JAK1: variants seen among roughly 807,000 people sequenced by gnomAD.
JAK1 encodes the protein tyrosine-protein kinase JAK1.
JAK1 carries 16 observed loss-of-function variants against 136.6 expected under a neutral mutation model. The ratio of observed to expected loss-of-function variants is 0.12; its 90% confidence interval spans 0.08 to 0.18. The LOEUF is 0.18. JAK1 is among the 10% of genes least tolerant of loss of function. JAK1 has a pLI of 1.00. For synonymous variants in JAK1, 492 were observed against 519.5 expected (o/e 0.95, Z 0.72); for missense variants, 859 against 1,450.1 (o/e 0.59, Z 6.62).
chr1:64,886,150 A>G, intron 2 of JAK1, 109 bp downstream of exon 2: 1 of 679,626 alleles, frequency 1.5e-6, no homozygotes, highest in Middle Eastern at 2.8e-4. Context: ...TCAATTTCAA[A>G]AAATTAAAGG....
intron 4 of JAK1, among the ~76,000 whole-genome samples, chr1:64,874,348 C>T (rs1374919412): frequency 2.0e-5 from 3 of 151,578 alleles, no homozygotes; most frequent in Non-Finnish European, 4.4e-5. Context: ...AAAAAACTGA[C>T]GAACTGTGTA....
At chr1:64,847,388 AT>A (rs1655305081) in intron 13 of JAK1, 143 bp downstream of exon 13, 2 of 892,550 alleles carry the variant, frequency 2.2e-6, no homozygotes, top group African/African-American at 3.3e-5. Flanking sequence ...CTAAGATCAT[AT>A]GTGGAGAAAA....
intron 1 of JAK1, among the ~76,000 whole-genome samples, chr1:64,929,824 C>G (rs977315565): frequency 6.6e-6 from 1 of 152,076 alleles, no homozygotes; most frequent in Non-Finnish European, 1.5e-5. Flanking sequence ...GTACTATTAC[C>G]AAAACAGACA....
intron 1 of JAK1, among the ~76,000 whole-genome samples, chr1:65,055,314 T>A (rs1353206963): frequency 6.6e-6 from 1 of 152,234 alleles, no homozygotes; most frequent in Admixed American, 6.5e-5. Context: ...TTCATCCATG[T>A]TGTAGCATAT....
intron 1 of JAK1, among the ~76,000 whole-genome samples, chr1:65,063,125 G>A (rs908623176): frequency 3.9e-5 from 6 of 152,180 alleles, no homozygotes; most frequent in East Asian, 1.9e-4. Flanking sequence ...CAAATGCCAC[G>A]AGTGGAGCCG....
chr1:64,963,397 C>A (rs575568034), intron 1 of JAK1, among the ~76,000 whole-genome samples: 136 of 152,156 alleles, frequency 8.9e-4, no homozygotes, highest in African/African-American at 3.1e-3. Flanking sequence ...GGAAAAATAA[C>A]CTTTGCTTAA....
intron 8 of JAK1, among the ~76,000 whole-genome samples, chr1:64,863,769 G>T (rs1364723112): frequency 6.6e-6 from 1 of 151,962 alleles, no homozygotes; most frequent in Non-Finnish European, 1.5e-5. Flanking sequence ...CTAATATTCT[G>T]CTTCTCAGGC....
intron 2 of JAK1, among the ~76,000 whole-genome samples, chr1:64,988,998 GTGTGTATATATA>G (rs1237755830): frequency 1.0e-5 from 1 of 95,592 alleles, no homozygotes; most frequent in African/African-American, 4.0e-5. Context: ...GTGTGTGTGT[GTGTGTATATATA>G]TATATATATA....
At chr1:64,918,462 T>G (rs913189896) in intron 1 of JAK1, 13 of 152,904 alleles carry the variant, frequency 8.5e-5, no homozygotes, top group African/African-American at 3.1e-4. Context: ...AGGTCCTTGG[T>G]CAGGCCAAGG....
intron 2 of JAK1, among the ~76,000 whole-genome samples, chr1:65,017,594 A>G (rs905889393): frequency 1.3e-5 from 2 of 152,230 alleles, no homozygotes; most frequent in African/African-American, 2.4e-5. Flanking sequence ...TCCACACAGA[A>G]TATTTCAAAA....
intron 11 of JAK1, among the ~76,000 whole-genome samples, chr1:64,854,253 G>GT (rs1655782584): frequency 6.6e-6 from 1 of 152,148 alleles, no homozygotes; most frequent in Non-Finnish European, 1.5e-5. Flanking sequence ...TGGTGTGAGG[G>GT]TTTATGGACA....
At chr1:64,996,054 CT>C (rs922425371) in intron 2 of JAK1, among the ~76,000 whole-genome samples, 11 of 151,484 alleles carry the variant, frequency 7.3e-5, no homozygotes, top group Admixed American at 1.3e-4. Flanking sequence ...ACATTGGGCT[CT>C]TTTTTTTTCT....
At chr1:64,947,942 A>G (rs913456877) in intron 1 of JAK1, among the ~76,000 whole-genome samples, 3 of 152,310 alleles carry the variant, frequency 2.0e-5, no homozygotes, top group African/African-American at 7.2e-5. Context: ...TTATACAGAA[A>G]TAGATTTAGA....
rs566990293 is a variant in JAK1 at position 64,999,816 on chromosome 1, T to G, written c.-78+44664A>C. Among the ~76,000 whole-genome samples the G allele has an allele frequency of 2.0e-5, 3 of 151,998 alleles. No individual in the cohort carries two copies. The East Asian group carries it at 5.8e-4, about 29-fold the overall frequency. On this transcript the variant is annotated intron_variant, in intron 2 of 25. Transcript: ENST00000671954. The stretch of plus-strand genomic sequence containing the variant: ...GGGCACCTGGCTGCCCAAAGCTTTC[T>G]CTAACAGTATCTACGGCACCTTGAA...
chr1:64,965,670 C>T (rs1646360256), intron 1 of JAK1, among the ~76,000 whole-genome samples: 1 of 152,138 alleles, frequency 6.6e-6, no homozygotes, highest in Non-Finnish European at 1.5e-5. Context: ...GTAGTTCTCT[C>T]CCACTGTTCC....
At chr1:64,994,703 G>T (rs1388956465) in intron 2 of JAK1, among the ~76,000 whole-genome samples, 1 of 152,096 alleles carries the variant, frequency 6.6e-6, no homozygotes, top group Non-Finnish European at 1.5e-5. Flanking sequence ...CATTCAAACC[G>T]CAACAGAACA....
rs1239046864 is a variant in JAK1 at position 65,061,088 on chromosome 1, T to TA, written c.-181+6515dup. 2.0e-5 allele frequency among the ~76,000 whole-genome samples: 3 copies of TA among 152,180 alleles called. No homozygotes were observed. The East Asian group carries it at 5.8e-4, about 29-fold the overall frequency. On this transcript the variant is annotated intron_variant, in intron 1 of 25. Coordinates refer to the JAK1 transcript ENST00000671954. The stretch of plus-strand genomic sequence containing the variant: ...AATATTATCTACAAAACCAGGCACT[T>TA]ATAGAAAACTGGCACACCAAAGAAC...
At chr1:64,891,468 C>T (rs1644935359) in intron 1 of JAK1, among the ~76,000 whole-genome samples, 1 of 152,202 alleles carries the variant, frequency 6.6e-6, no homozygotes, top group East Asian at 1.9e-4. Context: ...CACTGCATGG[C>T]CCCAGCCTTC....
rs746108162 is a variant in JAK1, at chr1:64,855,516, C to A, written c.1641G>T (p.Lys547Asn). ...TGGCACAGGGAGACGAACCTCGGGG[C>A]TTGGGCTGGCAGCAGCGTTTTAGCA... Reference protein sequence around the residue: ...SFMLKRCCQPKPREISNLLVA... With the variant: ...SFMLKRCCQPNPREISNLLVA... Residue 547 changes from lysine to asparagine, a missense_variant, in exon 11 of 25, where the codon AAG (lysine) becomes AAT (asparagine). Lys to Asn is a moderately conservative substitution (Grantham distance 94, BLOSUM62 0). This residue lies in a region of JAK1 where 409 missense variants were observed against 753.8 expected (regional missense o/e 0.54). Transcript: ENST00000342505. The A allele has an allele frequency of 6.2e-7, 1 of 1,613,826 alleles. No individual in the cohort carries two copies. The highest frequency in any genetic ancestry group is 8.5e-7 in the Non-Finnish European group (1 of 1,179,824).
Sources: allele counts gnomAD v4.1 joint callset (sites outside exome capture counted in the v4.1 genomes callset), GRCh38; gene constraint gnomAD v4.1.1; regional missense constraint gnomAD v4.1.1; transcripts MANE v1.5; gene names NCBI Gene and HGNC (gene_info 2026-07-23, HGNC 2026-07-21).